Variants in CADM2 observed in about 807,000 individuals in gnomAD.
The protein encoded by CADM2 is cell adhesion molecule 2, also known as immunoglobulin superfamily member 4D.
A neutral mutation model predicts 49.8 loss-of-function variants in CADM2; 12 were observed. The observed-to-expected ratio is 0.24, with a 90% CI of 0.15 to 0.39. The LOEUF (loss-of-function observed/expected upper bound fraction) is 0.39. Ranked by LOEUF, CADM2 falls within the 10% of genes least tolerant of loss-of-function variation. The probability of loss-of-function intolerance (pLI) is 1.00; values close to 1 mark genes in which losing one functional copy is unlikely to be tolerated. For missense variants in CADM2, 378 were observed against 492.3 expected (o/e 0.77, Z 2.20); for synonymous variants, 214 against 175.4 (o/e 1.22, Z -1.74).
intron 2 of CADM2, among the ~76,000 whole-genome samples, chr3:85,801,464 A>G (rs2072031671): frequency 6.6e-6 from 1 of 152,148 alleles, no homozygotes; most frequent in Non-Finnish European, 1.5e-5. Context: ...TACACTTTTT[A>G]AAGAGTACTC....
At chr3:85,759,441 A>G (rs1462194164) in intron 2 of CADM2, among the ~76,000 whole-genome samples, 1 of 152,038 alleles carries the variant, frequency 6.6e-6, no homozygotes, top group Non-Finnish European at 1.5e-5. Context: ...ATAATGTATG[A>G]TATTGCATAA....
At chr3:85,879,672 T>A (rs1284998641) in intron 3 of CADM2, among the ~76,000 whole-genome samples, 1 of 152,112 alleles carries the variant, frequency 6.6e-6, no homozygotes, top group African/African-American at 2.4e-5. Flanking sequence ...TTTTAATCAA[T>A]TTTTTTGTAG....
intron 6 of CADM2, among the ~76,000 whole-genome samples, chr3:85,922,376 A>C (rs946685531): frequency 5.3e-5 from 8 of 151,996 alleles, no homozygotes; most frequent in African/African-American, 1.7e-4. Flanking sequence ...CATATCTACT[A>C]TCTGGGCCAC....
intron 1 of CADM2, among the ~76,000 whole-genome samples, chr3:85,039,646 T>C (rs2035360829): frequency 6.6e-6 from 1 of 152,218 alleles, no homozygotes. Flanking sequence ...GTCCCATGTA[T>C]ACTATCTATC....
intron 8 of CADM2, among the ~76,000 whole-genome samples, chr3:85,999,230 G>C (rs1022539277): frequency 6.6e-6 from 1 of 150,826 alleles, no homozygotes; most frequent in Non-Finnish European, 1.5e-5. Flanking sequence ...CAGGCGTGGT[G>C]GCTCACACCT....
chr3:85,556,371 A>G (rs1169706201), intron 1 of CADM2, among the ~76,000 whole-genome samples: 1 of 152,040 alleles, frequency 6.6e-6, no homozygotes, highest in African/African-American at 2.4e-5. Flanking sequence ...GCACAGGTGG[A>G]AGAAAATCCA....
chr3:85,301,098 A>G (rs1254936308), intron 1 of CADM2, among the ~76,000 whole-genome samples: 1 of 152,074 alleles, frequency 6.6e-6, no homozygotes, highest in Non-Finnish European at 1.5e-5. Context: ...GATACAAACG[A>G]CATTATATGC....
At chr3:85,213,373 A>G (rs145810929) in intron 1 of CADM2, among the ~76,000 whole-genome samples, 47 of 151,364 alleles carry the variant, frequency 3.1e-4, no homozygotes, top group Middle Eastern at 3.4e-3. Context: ...TTTTTCCTTT[A>G]CAACTTTAAA....
intron 1 of CADM2, among the ~76,000 whole-genome samples, chr3:85,493,841 T>C: frequency 6.6e-6 from 1 of 152,154 alleles, no homozygotes; most frequent in East Asian, 1.9e-4. Flanking sequence ...CTCAAGAACA[T>C]CCCTGTGTGA....
chr3:85,553,739 G>A (rs1432404890), intron 1 of CADM2, among the ~76,000 whole-genome samples: 2 of 152,082 alleles, frequency 1.3e-5, no homozygotes, highest in Non-Finnish European at 1.5e-5. Flanking sequence ...TGTCAATTCA[G>A]GCGTAAACGT....
chr3:85,071,151 T>A (rs2036728989), intron 1 of CADM2, among the ~76,000 whole-genome samples: 1 of 151,780 alleles, frequency 6.6e-6, no homozygotes, highest in Admixed American at 6.6e-5. Context: ...ACTTATAAAG[T>A]AGGAAATATA....
intron 1 of CADM2, among the ~76,000 whole-genome samples, chr3:85,653,479 G>A (rs1325672038): frequency 1.3e-5 from 2 of 151,610 alleles, no homozygotes; most frequent in African/African-American, 2.4e-5. Context: ...AGGACCCCAA[G>A]GTTTTTAGCT....
intron 1 of CADM2, among the ~76,000 whole-genome samples, chr3:85,363,560 A>T (rs1054102239): frequency 2.0e-5 from 3 of 152,102 alleles, no homozygotes; most frequent in Admixed American, 1.3e-4. Flanking sequence ...TAAACTTTCC[A>T]CTATTTATTA....
intron 1 of CADM2, among the ~76,000 whole-genome samples, chr3:85,443,091 C>T (rs574501880): frequency 6.6e-6 from 1 of 151,960 alleles, no homozygotes; most frequent in Non-Finnish European, 1.5e-5. Flanking sequence ...TTAATTGTTT[C>T]ACAAGTTACA....
At chr3:86,016,917 T>G (rs1484877795) in intron 8 of CADM2, among the ~76,000 whole-genome samples, 7 of 152,074 alleles carry the variant, frequency 4.6e-5, no homozygotes, top group Admixed American at 2.0e-4. Flanking sequence ...TTTTAAAACT[T>G]TCACTGATTT....
intron 5 of CADM2, among the ~76,000 whole-genome samples, chr3:85,899,174 C>T (rs764700206): frequency 1.3e-5 from 2 of 151,154 alleles, no homozygotes; most frequent in Non-Finnish European, 2.9e-5. Context: ...TCATTTTGAC[C>T]AGGCTGGTCT....
intron 1 of CADM2, among the ~76,000 whole-genome samples, chr3:85,637,463 G>T (rs1330060009): frequency 6.7e-6 from 1 of 148,154 alleles, no homozygotes; most frequent in South Asian, 2.2e-4. Context: ...TTAGCTGGGC[G>T]CGGTGGCGGG....
chr3:85,372,777 A>G (rs1302976169), intron 1 of CADM2, among the ~76,000 whole-genome samples: 1 of 152,160 alleles, frequency 6.6e-6, no homozygotes, highest in African/African-American at 2.4e-5. Context: ...CAGAAGGTAA[A>G]GGAGGAGCAA....
intron 1 of CADM2, among the ~76,000 whole-genome samples, chr3:85,153,826 C>A (rs2040012382): frequency 6.6e-6 from 1 of 152,212 alleles, no homozygotes; most frequent in Admixed American, 6.5e-5. Context: ...CCAGCAGGGG[C>A]AGACTGACAC....
Sources: allele counts gnomAD v4.1 joint callset (sites outside exome capture counted in the v4.1 genomes callset), GRCh38; gene constraint gnomAD v4.1.1; transcripts MANE v1.5; gene names NCBI Gene and HGNC (gene_info 2026-07-23, HGNC 2026-07-21).